ADGRL2: variants seen among roughly 807,000 people sequenced by gnomAD.
ADGRL2 encodes the protein adhesion G protein-coupled receptor L2, also known as calcium-independent alpha-latrotoxin receptor 2.
ADGRL2 carries 44 observed loss-of-function variants against 157.4 expected under a neutral mutation model. That is an observed-to-expected ratio of 0.28 (90% confidence interval 0.22 to 0.36). The LOEUF is 0.36. ADGRL2 is among the 10% of genes least tolerant of loss of function. The pLI, the probability that ADGRL2 is intolerant of heterozygous loss-of-function variation, is 1.00. For missense variants in ADGRL2, 1,510 were observed against 1,768.9 expected (o/e 0.85, Z 2.63); for synonymous variants, 585 against 624.7 (o/e 0.94, Z 0.95).
At chr1:81,634,737 G>A (rs1254503501) in intron 3 of ADGRL2, among the ~76,000 whole-genome samples, 1 of 151,916 alleles carries the variant, frequency 6.6e-6, no homozygotes, top group Non-Finnish European at 1.5e-5. Context: ...TGGCAGGCTG[G>A]CCTCCAACTT....
chr1:81,565,681 G>T (rs2080543647), intron 2 of ADGRL2, among the ~76,000 whole-genome samples: 2 of 152,124 alleles, frequency 1.3e-5, no homozygotes, highest in Non-Finnish European at 1.5e-5. Flanking sequence ...TGACTTGAGA[G>T]AAAACATTTT....
intron 2 of ADGRL2, among the ~76,000 whole-genome samples, chr1:81,504,203 A>G (rs1468297796): frequency 6.6e-6 from 1 of 151,670 alleles, no homozygotes; most frequent in Non-Finnish European, 1.5e-5. Context: ...CCGCCCCCCC[A>G]AACCTCATGC....
chr1:81,679,753 T>C (rs1194934244), intron 3 of ADGRL2, among the ~76,000 whole-genome samples: 1 of 152,204 alleles, frequency 6.6e-6, no homozygotes, highest in East Asian at 1.9e-4. Flanking sequence ...TGTTAATAAA[T>C]ATGTAGACTG....
At chr1:81,548,067 C>T (rs2080061435) in intron 2 of ADGRL2, among the ~76,000 whole-genome samples, 1 of 152,260 alleles carries the variant, frequency 6.6e-6, no homozygotes, top group South Asian at 2.1e-4. Flanking sequence ...CTTTCTCTTA[C>T]CCACTGCAGT....
In ADGRL2 at chr1:81,686,135, G is replaced by T. The variant is rs1557565088; in HGVS notation, c.-142-75676G>T. On this transcript the variant is annotated intron_variant, in intron 3 of 24. Coordinates refer to the ADGRL2 transcript ENST00000370721. ...GTCCTTTCCTGGTTTTGGTATTAGG[G>T]TTATGCTGGCTTCATAGAATGAGTT... Among the ~76,000 whole-genome samples, 4 of 152,222 alleles carry T rather than the reference G, an allele frequency of 2.6e-5. 1 individual carries two copies. The highest frequency in any genetic ancestry group is 9.6e-5 in the African/African-American group (4 of 41,544).
chr1:81,516,202 T>C (rs983853286), intron 2 of ADGRL2, among the ~76,000 whole-genome samples: 4 of 152,206 alleles, frequency 2.6e-5, no homozygotes, highest in East Asian at 1.9e-4. Flanking sequence ...TTTTGAAATA[T>C]GTTTACAAAA....
intron 1 of ADGRL2, among the ~76,000 whole-genome samples, chr1:81,801,576 C>G (rs1186538038): frequency 6.6e-6 from 1 of 152,226 alleles, no homozygotes; most frequent in Admixed American, 6.5e-5. Context: ...CTACTCCTTG[C>G]TTCCCCGAGC....
At chr1:81,881,618 C>T (rs914191449) in intron 2 of ADGRL2, among the ~76,000 whole-genome samples, 1 of 152,198 alleles carries the variant, frequency 6.6e-6, no homozygotes, top group African/African-American at 2.4e-5. Context: ...GTTCATCCTG[C>T]CAGGGTAAGC....
chr1:81,859,932 C>G (rs1215727486), intron 2 of ADGRL2, among the ~76,000 whole-genome samples: 2 of 150,910 alleles, frequency 1.3e-5, no homozygotes, highest in Non-Finnish European at 3.0e-5. Flanking sequence ...TTTTTTTCCC[C>G]CATAAAAAAC....
In ADGRL2 at chr1:81,986,985, C is replaced by T. The variant is rs1452747238; in HGVS notation, c.3593C>T (p.Thr1198Ile). The T allele has an allele frequency of 3.7e-6, 6 of 1,611,636 alleles. No homozygotes were observed. The Admixed American group carries it at 5.0e-5, about 13-fold the overall frequency. ...CCCTATAACACATTGCTCGCTGAAA[C>T]AGTTGTATGTAATGCCCCTTCAGCT... Reference protein sequence around the residue: ...NNPYNTLLAETVVCNAPSAPV... With the variant: ...NNPYNTLLAEIVVCNAPSAPV... Residue 1198 changes from threonine (T) to isoleucine (I), a missense_variant, in exon 22 of 24, where the codon ACA becomes ATA. Physicochemically the swap from Thr to Ile is moderately conservative, Grantham distance 89. Around this residue, in one of 4 missense-constraint regions of ADGRL2, gnomAD observed 497 missense variants for 627.2 expected, o/e 0.79. Coordinates refer to ENST00000686636, the MANE Select transcript of ADGRL2 (RefSeq NM_001366006.2).
At chr1:81,639,306 G>A (rs552192292) in intron 3 of ADGRL2, among the ~76,000 whole-genome samples, 14 of 152,176 alleles carry the variant, frequency 9.2e-5, no homozygotes, top group African/African-American at 3.4e-4. Flanking sequence ...CCTGACCTCA[G>A]GTGACCAATC....
At chr1:81,372,591 G>T (rs1000077513) in intron 1 of ADGRL2, among the ~76,000 whole-genome samples, 2 of 152,080 alleles carry the variant, frequency 1.3e-5, no homozygotes, top group African/African-American at 4.8e-5. Flanking sequence ...TATGGCTCTT[G>T]ATTAATTAAT....
intron 2 of ADGRL2, among the ~76,000 whole-genome samples, chr1:81,487,792 C>T (rs1215917097): frequency 6.6e-6 from 1 of 152,084 alleles, no homozygotes; most frequent in Non-Finnish European, 1.5e-5. Context: ...TCTGAATACT[C>T]ACTTGAAAAA....
At chr1:81,415,933 C>T (rs1015222735) in intron 1 of ADGRL2, among the ~76,000 whole-genome samples, 3 of 151,842 alleles carry the variant, frequency 2.0e-5, no homozygotes, top group Admixed American at 1.3e-4. Flanking sequence ...CTCGGCCTCC[C>T]GGGTTCATGC....
chr1:81,909,933 T>G (rs2094674878), intron 3 of ADGRL2, among the ~76,000 whole-genome samples: 1 of 151,990 alleles, frequency 6.6e-6, no homozygotes, highest in Non-Finnish European at 1.5e-5. Context: ...AAATTGGTGT[T>G]TAGCCACTTT....
chr1:81,826,437 C>CTGTT (rs10661594), intron 1 of ADGRL2, among the ~76,000 whole-genome samples: 96,641 of 151,548 alleles, frequency 0.64, 31,870 homozygotes, highest in Middle Eastern at 0.81. Context: ...CCTAGAATGA[C>CTGTT]TGGTACCAGC....
intron 5 of ADGRL2, 143 bp downstream of exon 5, chr1:81,942,188 G>A (rs892944071): frequency 8.9e-6 from 4 of 451,716 alleles, no homozygotes; most frequent in South Asian, 5.8e-5. Context: ...GAAGTCAACT[G>A]TTTACAATGA....
rs548642815 is a variant in ADGRL2, at chr1:81,572,281, A to T, written c.-247-8595A>T. Among the ~76,000 whole-genome samples the T allele has an allele frequency of 7.3e-4, 111 of 152,226 alleles. 2 individuals carry two copies. Among genetic ancestry groups the T allele is most frequent in the Admixed American group, 3.4e-3 (52 of 15,278 alleles). On this transcript the variant is annotated intron_variant, in intron 2 of 24. Coordinates refer to the ADGRL2 transcript ENST00000370721. Reference sequence around the variant, plus strand: ...TTAATGTGGTTATATCTATAGCTTAAAACCTCTTATTATATCTACTACAGT... The same window carrying T: ...TTAATGTGGTTATATCTATAGCTTATAACCTCTTATTATATCTACTACAGT...
At chr1:81,818,712 G>A (rs2090670854) in intron 1 of ADGRL2, among the ~76,000 whole-genome samples, 1 of 152,120 alleles carries the variant, frequency 6.6e-6, no homozygotes, top group Non-Finnish European at 1.5e-5. Flanking sequence ...ACTAGGTTGT[G>A]AAATATTTGC....
Sources: gnomAD v4.1 joint callset for allele counts (sites outside exome capture counted in the v4.1 genomes callset) on GRCh38, gnomAD v4.1.1 for gene constraint, gnomAD v4.1.1 regional missense constraint, MANE v1.5 for transcripts, NCBI Gene and HGNC (gene_info 2026-07-23, HGNC 2026-07-21) for gene names.